MALRD1: variants seen among roughly 807,000 people sequenced by gnomAD.
The protein encoded by MALRD1 is MAM and LDL-receptor class A domain-containing protein 1.
MALRD1 carries 247 observed loss-of-function variants against 242.1 expected under a neutral mutation model. The observed-to-expected ratio is 1.02, with a 90% CI of 0.92 to 1.13. The LOEUF is 1.13. Among genes scored for constraint, MALRD1 ranks in the 50% most tolerant of loss-of-function variants. The pLI is 0.00. For missense variants in MALRD1, 2,989 were observed against 2,533.1 expected (o/e 1.18, Z -3.86); for synonymous variants, 995 against 866.6 (o/e 1.15, Z -2.60).
chr10:19,213,827 A>G (rs1837180941), intron 18 of MALRD1, among the ~76,000 whole-genome samples: 1 of 152,168 alleles, frequency 6.6e-6, no homozygotes, highest in Non-Finnish European at 1.5e-5. Context: ...TTAGTTGGAA[A>G]GAGTTTGACT....
intron 2 of MALRD1, among the ~76,000 whole-genome samples, chr10:19,073,529 T>G (rs1266986359): frequency 1.3e-5 from 2 of 152,118 alleles, no homozygotes; most frequent in African/African-American, 4.8e-5. Flanking sequence ...TGGTTTCTGA[T>G]GGTTTAATGT....
At chr10:19,100,888 C>T (rs977003381) in intron 4 of MALRD1, among the ~76,000 whole-genome samples, 5 of 151,886 alleles carry the variant, frequency 3.3e-5, no homozygotes, top group African/African-American at 9.7e-5. Flanking sequence ...TGACTGCAGG[C>T]GTATCCTTAA....
chr10:19,400,511 T>C (rs925789416), intron 28 of MALRD1, among the ~76,000 whole-genome samples: 19 of 152,310 alleles, frequency 1.2e-4, no homozygotes, highest in African/African-American at 3.6e-4. Context: ...CTGTAGCAAG[T>C]AGCTTAGTGC....
At chr10:19,646,324 C>T (rs1251955885) in intron 36 of MALRD1, among the ~76,000 whole-genome samples, 1 of 152,182 alleles carries the variant, frequency 6.6e-6, no homozygotes, top group East Asian at 1.9e-4. Flanking sequence ...TATTTTAGGG[C>T]TCGGCCCAGT....
Position 19,129,022 on chromosome 10 carries a change from C to G in MALRD1, c.1110+635C>G, listed in dbSNP as rs139198391. Among the ~76,000 whole-genome samples, 747 of 152,220 alleles carry G rather than the reference C, an allele frequency of 4.9e-3. 8 individuals carry two copies. Among genetic ancestry groups the G allele is most frequent in the African/African-American group, 0.017 (715 of 41,550 alleles). ...CTTACGCACTCAGCACTCCCAATAT[C>G]TCACTTCTGACACCAGATGCATGTT... On this transcript the variant is annotated intron_variant, in intron 8 of 39. Transcript: ENST00000454679.
chr10:19,433,744 G>A (rs1302444746), intron 28 of MALRD1, among the ~76,000 whole-genome samples: 1 of 152,236 alleles, frequency 6.6e-6, no homozygotes. Flanking sequence ...AAGGCTCAGT[G>A]AAAGTCATGC....
chr10:19,376,394 G>A (rs74326158), intron 26 of MALRD1, among the ~76,000 whole-genome samples: 8,397 of 152,038 alleles, frequency 0.055, 474 homozygotes, highest in African/African-American at 0.14. Context: ...GCAAAATGCT[G>A]TTAACGTGGG....
At chr10:19,703,956 C>T (rs370013621) in intron 38 of MALRD1, among the ~76,000 whole-genome samples, 35 of 151,938 alleles carry the variant, frequency 2.3e-4, no homozygotes, top group African/African-American at 7.0e-4. Flanking sequence ...AACAGTAAGC[C>T]GTTTATTCTT....
chr10:19,711,198 A>G (rs1473506454), intron 38 of MALRD1: 1 of 152,088 alleles, frequency 6.6e-6, no homozygotes, highest in East Asian at 1.9e-4. Flanking sequence ...ATCCTTAGGG[A>G]TACTCCTTCC....
chr10:19,052,511 A>G (rs1834539207), intron 1 of MALRD1, among the ~76,000 whole-genome samples: 1 of 152,202 alleles, frequency 6.6e-6, no homozygotes, highest in African/African-American at 2.4e-5. Context: ...CTCAACTGTG[A>G]AAAGACACAT....
intron 21 of MALRD1, among the ~76,000 whole-genome samples, chr10:19,284,020 T>G (rs1840963645): frequency 6.6e-6 from 1 of 152,136 alleles, no homozygotes; most frequent in South Asian, 2.1e-4. Context: ...GGTTTGTTAG[T>G]GATGGAGCAT....
At chr10:19,161,006 T>C (rs1032335866) in intron 12 of MALRD1, among the ~76,000 whole-genome samples, 1 of 151,968 alleles carries the variant, frequency 6.6e-6, no homozygotes, top group Non-Finnish European at 1.5e-5. Flanking sequence ...TTACTGGGTA[T>C]ATACCCAAAT....
At chr10:19,085,020 G>T (rs1835620519) in intron 2 of MALRD1, among the ~76,000 whole-genome samples, 1 of 151,790 alleles carries the variant, frequency 6.6e-6, no homozygotes. Context: ...GATTAATAGA[G>T]ATATATGATG....
chr10:19,582,361 AC>A (rs1219887369), intron 33 of MALRD1, among the ~76,000 whole-genome samples: 6 of 148,752 alleles, frequency 4.0e-5, no homozygotes, highest in Non-Finnish European at 4.5e-5. Flanking sequence ...TTTAGGTCTA[AC>A]GTTTAAGTCT....
At chr10:19,298,389 G>T (rs1207676138) in intron 21 of MALRD1, among the ~76,000 whole-genome samples, 2 of 151,862 alleles carry the variant, frequency 1.3e-5, no homozygotes, top group African/African-American at 4.8e-5. Context: ...ATTTCAACAT[G>T]ATATTTGGTT....
chr10:19,627,677 C>T (rs1483522833), intron 36 of MALRD1, among the ~76,000 whole-genome samples: 1 of 149,330 alleles, frequency 6.7e-6, no homozygotes, highest in Non-Finnish European at 1.5e-5. Flanking sequence ...AGGAGAATCA[C>T]TTGAACACGG....
At chr10:19,145,973 T>G (rs148794070) in intron 10 of MALRD1, among the ~76,000 whole-genome samples, 16 of 152,236 alleles carry the variant, frequency 1.1e-4, no homozygotes, top group African/African-American at 3.9e-4. Flanking sequence ...CAGAATGAAA[T>G]GTACCAGACT....
intron 28 of MALRD1, among the ~76,000 whole-genome samples, chr10:19,405,118 A>G (rs1282250461): frequency 6.6e-6 from 1 of 152,152 alleles, no homozygotes; most frequent in Non-Finnish European, 1.5e-5. Flanking sequence ...GGTGTTTTGC[A>G]TATATACACG....
chr10:19,476,223 A>T (rs1326439241), intron 29 of MALRD1, among the ~76,000 whole-genome samples: 3 of 152,110 alleles, frequency 2.0e-5, no homozygotes, highest in Admixed American at 6.6e-5. Flanking sequence ...TGCCCACTAG[A>T]TGCCTGTCCA....
Sources: gnomAD v4.1 joint callset for allele counts (sites outside exome capture counted in the v4.1 genomes callset) on GRCh38, gnomAD v4.1.1 for gene constraint, MANE v1.5 for transcripts, NCBI Gene and HGNC (gene_info 2026-07-23, HGNC 2026-07-21) for gene names.